The following UNC13B variants were observed in gnomAD, a reference collection of about 807,000 sequenced individuals.
UNC13B encodes protein unc-13 homolog B.
Under a neutral mutation model 211.0 loss-of-function variants are expected in UNC13B, and 144 were observed. The observed-to-expected ratio is 0.68, with a 90% confidence interval of 0.60 to 0.78. The LOEUF (loss-of-function observed/expected upper bound fraction) is 0.78. UNC13B is among the 30% of genes least tolerant of loss of function. The pLI is 0.00. For missense variants in UNC13B, 1,777 were observed against 2,002.0 expected (o/e 0.89, Z 2.14); for synonymous variants, 709 against 725.8 (o/e 0.98, Z 0.37).
chr9:35,382,547 A>G (rs374313749), intron 21 of UNC13B, 40 bp downstream of exon 21: 1 of 1,570,124 alleles, frequency 6.4e-7, no homozygotes, highest in Non-Finnish European at 8.6e-7. Context: ...ATTTGTTACC[A>G]ATTAATAAAG....
rs925750790 is a variant in UNC13B, at chr9:35,307,942, A to T, written c.8538A>T (p.Pro2846=). 2 of 398,902 alleles carry T rather than the reference A, an allele frequency of 5.0e-6. No individual in the cohort carries two copies. The highest frequency in any genetic ancestry group is 8.8e-6 in the Non-Finnish European group (2 of 226,112). The allele number at this position is 398,902 out of a possible 1,614,324, so 24.7% of individuals were successfully genotyped here. The change falls in exon 9 of 40, where the codon CCA becomes CCT. Residue 2846 remains proline (P), a synonymous_variant. Coordinates refer to ENST00000635942, the MANE Select transcript of UNC13B (RefSeq NM_001371189.2). Reference sequence around the variant, plus strand: ...AGGTAGATCTTTCATTTCCATGGCCAAAAGAGAACAAAGGGGTCCCTGAAC... The same window carrying T: ...AGGTAGATCTTTCATTTCCATGGCCTAAAGAGAACAAAGGGGTCCCTGAAC... ...FGKVDLSFPW[P]KENKGVPEQM... is the part of the protein sequence containing the mutation.
In UNC13B at chr9:35,309,223, GTGTGT is replaced by G. The variant is rs1830068170; in HGVS notation, c.9008+812_9008+816del. On this transcript the variant is annotated intron_variant, in intron 9 of 39. Transcript: ENST00000635942. ...TGTTCAAAGGGGTTGGTCAGGGTCA[GTGTGT>G]GTGTGTGTGTGTGTGTGTGTGTGTG... Among the ~76,000 whole-genome samples, 14 of 924 alleles carry G rather than the reference GTGTGT, an allele frequency of 0.015. No individual in the cohort carries two copies. In the South Asian group the frequency reaches 0.34, roughly 23 times the overall value. 0.6% of individuals were successfully genotyped at this position (924 alleles called of 152,430 possible).
intron 7 of UNC13B, among the ~76,000 whole-genome samples, chr9:35,270,831 T>A (rs972206740): frequency 7.9e-5 from 12 of 152,130 alleles, no homozygotes; most frequent in Non-Finnish European, 1.6e-4. Context: ...CCAGTTGTCC[T>A]AAGACCATTT....
At chr9:35,297,841 G>A (rs538262095) in intron 8 of UNC13B, among the ~76,000 whole-genome samples, 4 of 152,118 alleles carry the variant, frequency 2.6e-5, no homozygotes, top group South Asian at 2.1e-4. Flanking sequence ...GAGCCACCGC[G>A]CCCGGCCCCT....
At chr9:35,264,466 C>A (rs1353696438) in intron 7 of UNC13B, among the ~76,000 whole-genome samples, 1 of 152,094 alleles carries the variant, frequency 6.6e-6, no homozygotes, top group Non-Finnish European at 1.5e-5. Flanking sequence ...AATTTCTAAG[C>A]AATGTTTTGA....
At position 35,302,056 on chromosome 9, in the gene UNC13B, T is replaced by A. The variant is rs1199654493; in HGVS notation, c.2652T>A (p.Ile884=). Residue 884 remains isoleucine, a synonymous_variant, in exon 9 of 40, where the codon ATT becomes ATA. Transcript: ENST00000635942. ...KQQELKEKGS[I]FPLFKFSFTD... ...AGGAGTTAAAAGAGAAAGGAAGCAT[T>A]TTTCCTTTGTTTAAATTTTCTTTCA... 5.0e-6 allele frequency: 2 copies of A among 398,796 alleles called. No homozygotes were observed. The highest frequency in any genetic ancestry group is 7.1e-5 in the East Asian group (2 of 28,066). 24.7% of individuals were successfully genotyped at this position (398,796 alleles called of 1,614,324 possible).
At chr9:35,257,981 A>C (rs1001646252) in intron 6 of UNC13B, among the ~76,000 whole-genome samples, 1 of 152,158 alleles carries the variant, frequency 6.6e-6, no homozygotes, top group Non-Finnish European at 1.5e-5. Flanking sequence ...TAAAACCCTA[A>C]AGGGCTTCTA....
chr9:35,208,316 C>G (rs927166396), intron 1 of UNC13B, among the ~76,000 whole-genome samples: 1 of 152,166 alleles, frequency 6.6e-6, no homozygotes, highest in Non-Finnish European at 1.5e-5. Context: ...TTGGAACATT[C>G]AGTGACTCCT....
chr9:35,252,956 T>C (rs1196027268), intron 6 of UNC13B, among the ~76,000 whole-genome samples: 1 of 152,108 alleles, frequency 6.6e-6, no homozygotes, highest in East Asian at 1.9e-4. Flanking sequence ...TTTTTTTCTG[T>C]TACCAGCTAT....
chr9:35,207,212 G>C (rs1426098591), intron 1 of UNC13B, among the ~76,000 whole-genome samples: 2 of 152,036 alleles, frequency 1.3e-5, no homozygotes, highest in African/African-American at 4.8e-5. Context: ...TTTCCCTAAT[G>C]ACTAGTGGTT....
intron 1 of UNC13B, among the ~76,000 whole-genome samples, chr9:35,186,062 C>T (rs148847361): frequency 1.1e-3 from 174 of 152,232 alleles, no homozygotes; most frequent in Admixed American, 3.1e-3. Context: ...GAAGGGGCAT[C>T]TGATATGCCT....
chr9:35,254,962 A>T (rs1826751874), intron 6 of UNC13B, among the ~76,000 whole-genome samples: 1 of 121,292 alleles, frequency 8.2e-6, no homozygotes, highest in African/African-American at 3.2e-5. Flanking sequence ...ATAATATAAT[A>T]TATTATATTA....
chr9:35,262,638 A>C (rs1331828959), intron 7 of UNC13B, among the ~76,000 whole-genome samples: 1 of 151,998 alleles, frequency 6.6e-6, no homozygotes, highest in Non-Finnish European at 1.5e-5. Context: ...TAATATAATA[A>C]AAAAAAATCT....
chr9:35,275,537 A>G (rs920425521), intron 7 of UNC13B, among the ~76,000 whole-genome samples: 1 of 152,146 alleles, frequency 6.6e-6, no homozygotes, highest in Non-Finnish European at 1.5e-5. Context: ...ATATACAGGT[A>G]TATACATTAG....
chr9:35,217,915 G>A (rs971251742), intron 1 of UNC13B, among the ~76,000 whole-genome samples: 3 of 152,012 alleles, frequency 2.0e-5, no homozygotes, highest in Non-Finnish European at 4.4e-5. Flanking sequence ...GTGGTGGCAG[G>A]TACCTAGTCT....
intron 1 of UNC13B, among the ~76,000 whole-genome samples, chr9:35,162,724 G>A (rs999156904): frequency 5.3e-5 from 8 of 152,140 alleles, no homozygotes; most frequent in African/African-American, 1.9e-4. Context: ...CACTTTGAAT[G>A]CGTTAGTGGT....
intron 1 of UNC13B, among the ~76,000 whole-genome samples, chr9:35,175,403 T>A (rs1239069433): frequency 6.6e-6 from 1 of 151,968 alleles, no homozygotes; most frequent in Non-Finnish European, 1.5e-5. Flanking sequence ...GGAACTCCAG[T>A]GTATAGGAAT....
At chr9:35,294,147 C>T (rs1255304007) in intron 7 of UNC13B, among the ~76,000 whole-genome samples, 5 of 151,946 alleles carry the variant, frequency 3.3e-5, no homozygotes, top group African/African-American at 4.8e-5. Context: ...TCAATATGGC[C>T]CCATGTTTTA....
chr9:35,400,030 G>A (rs890450065), intron 36 of UNC13B, among the ~76,000 whole-genome samples: 7 of 152,140 alleles, frequency 4.6e-5, no homozygotes, highest in South Asian at 2.1e-4. Flanking sequence ...GTTCTTCTCC[G>A]TGCCTGAAGT....
Sources: gnomAD v4.1 joint callset for allele counts (sites outside exome capture counted in the v4.1 genomes callset) on GRCh38, gnomAD v4.1.1 for gene constraint, MANE v1.5 for transcripts, NCBI Gene and HGNC (gene_info 2026-07-23, HGNC 2026-07-21) for gene names.